UNC13B: variants seen among roughly 807,000 people sequenced by gnomAD.
The protein encoded by UNC13B is protein unc-13 homolog B.
In UNC13B, 144 loss-of-function variants were observed where a neutral mutation model predicts 211.0. The ratio of observed to expected loss-of-function variants is 0.68; its 90% CI spans 0.60 to 0.78. The LOEUF (loss-of-function observed/expected upper bound fraction) is 0.78. UNC13B is among the 30% of genes least tolerant of loss of function. UNC13B has a pLI of 0.00. For synonymous variants in UNC13B, 709 were observed against 725.8 expected (o/e 0.98, Z 0.37); for missense variants, 1,777 against 2,002.0 (o/e 0.89, Z 2.14).
chr9:35,200,477 G>T (rs1408076971), intron 1 of UNC13B, among the ~76,000 whole-genome samples: 8 of 152,224 alleles, frequency 5.3e-5, no homozygotes, highest in South Asian at 2.1e-4. Context: ...AGCATGGAAT[G>T]TTCTTCCATT....
At chr9:35,331,990 CT>C (rs111856770) in intron 11 of UNC13B, among the ~76,000 whole-genome samples, 177 of 144,446 alleles carry the variant, frequency 1.2e-3, no homozygotes, top group Middle Eastern at 3.6e-3. Flanking sequence ...TCCAACTAGC[CT>C]TTTTTTTTTT....
At chr9:35,260,665 A>G (rs1827222265) in intron 7 of UNC13B, among the ~76,000 whole-genome samples, 1 of 152,118 alleles carries the variant, frequency 6.6e-6, no homozygotes, top group African/African-American at 2.4e-5. Flanking sequence ...CCTATTTTTC[A>G]TATGATTTAT....
intron 1 of UNC13B, among the ~76,000 whole-genome samples, chr9:35,199,057 G>A (rs529531522): frequency 3.4e-4 from 51 of 151,628 alleles, no homozygotes; most frequent in African/African-American, 1.2e-3. Context: ...TCCCCACCCT[G>A]TGTCCATTCC....
At chr9:35,360,524 T>C (rs1174467975) in intron 11 of UNC13B, 1 of 152,250 alleles carries the variant, frequency 6.6e-6, no homozygotes, top group Admixed American at 6.5e-5. Context: ...CATTGTTTAT[T>C]ATCTGCTCCT....
At chr9:35,193,162 C>T (rs568910941) in intron 1 of UNC13B, among the ~76,000 whole-genome samples, 12 of 152,238 alleles carry the variant, frequency 7.9e-5, no homozygotes, top group Non-Finnish European at 1.3e-4. Context: ...AGAGACTATG[C>T]GACAGTTGCA....
intron 1 of UNC13B, among the ~76,000 whole-genome samples, chr9:35,224,825 A>G (rs1367059222): frequency 6.6e-6 from 1 of 152,242 alleles, no homozygotes; most frequent in Non-Finnish European, 1.5e-5. Flanking sequence ...CAAAAAGATA[A>G]TATACCATGA....
rs1325672035 is a variant in UNC13B, at chr9:35,258,600, A to T, written c.469-393A>T. Among the ~76,000 whole-genome samples, 3 of 152,252 alleles carry T rather than the reference A, an allele frequency of 2.0e-5. No homozygotes were observed. The East Asian group carries it at 5.8e-4, about 29-fold the overall frequency. On this transcript the variant is annotated intron_variant, in intron 6 of 39. Coordinates refer to ENST00000635942, the MANE Select transcript of UNC13B (RefSeq NM_001371189.2). ...TAAAAATGAGAAAACAGCCCCAGAC[A>T]GGTTTTCACTTGCATCACCTGAATG...
chr9:35,171,349 G>A (rs138661852), intron 1 of UNC13B, among the ~76,000 whole-genome samples: 7,825 of 152,108 alleles, frequency 0.051, 464 homozygotes, highest in East Asian at 0.33. Flanking sequence ...TGACCCACCC[G>A]CCTTGGCCTC....
chr9:35,330,512 G>T (rs1279674161), intron 11 of UNC13B, among the ~76,000 whole-genome samples: 1 of 152,186 alleles, frequency 6.6e-6, no homozygotes, highest in Non-Finnish European at 1.5e-5. Context: ...CTTATCTATG[G>T]ATGACTCCAA....
Position 35,403,807 on chromosome 9 carries a change from A to G in UNC13B, c.12797A>G (p.Tyr4266Cys). The change falls in exon 40 of 40, where the codon TAC becomes TGC. Residue 4266 changes from tyrosine (Y) to cysteine (C), a missense_variant. Tyr to Cys is a radical substitution (Grantham distance 194, BLOSUM62 -2). Coordinates refer to ENST00000635942, the MANE Select transcript of UNC13B (RefSeq NM_001371189.2). Reference protein sequence around the residue: ...SYELQICVKDYCFAREDRVLG... With the variant: ...SYELQICVKDCCFAREDRVLG... Reference sequence around the variant, plus strand: ...GAGTTGCAGATATGCGTGAAGGATTACTGCTTTGCCCGGGAAGATCGCGTG... The same window carrying G: ...GAGTTGCAGATATGCGTGAAGGATTGCTGCTTTGCCCGGGAAGATCGCGTG... The G allele has an allele frequency of 6.2e-7, 1 of 1,614,138 alleles. No individual in the cohort carries two copies. The highest frequency in any genetic ancestry group is 8.5e-7 in the Non-Finnish European group (1 of 1,180,030).
At chr9:35,317,287 A>C (rs1319539914) in intron 11 of UNC13B, among the ~76,000 whole-genome samples, 2 of 151,766 alleles carry the variant, frequency 1.3e-5, no homozygotes, top group Non-Finnish European at 2.9e-5. Flanking sequence ...TGCAGCGTCA[A>C]CCTCCTGGGC....
chr9:35,371,022 G>A (rs555159265), intron 13 of UNC13B, among the ~76,000 whole-genome samples: 2 of 152,314 alleles, frequency 1.3e-5, no homozygotes, highest in South Asian at 4.1e-4. Context: ...GGAATTTTCT[G>A]TAGCCTTGTG....
intron 1 of UNC13B, among the ~76,000 whole-genome samples, chr9:35,210,776 G>A (rs111810307): frequency 4.4e-4 from 67 of 152,218 alleles, no homozygotes; most frequent in African/African-American, 1.4e-3. Flanking sequence ...TGCCCACACC[G>A]TCCTCCCAAA....
At position 35,304,851 on chromosome 9, in the gene UNC13B, T is replaced by G. The variant is rs746844457; in HGVS notation, c.5447T>G (p.Leu1816Arg). 3 of 398,948 alleles carry G rather than the reference T, an allele frequency of 7.5e-6. No individual in the cohort carries two copies. Among genetic ancestry groups the G allele is most frequent in the Non-Finnish European group, 1.3e-5 (3 of 225,984 alleles). The allele number at this position is 398,948 out of a possible 1,614,324, so 24.7% of individuals were successfully genotyped here. A position where few individuals can be genotyped will look rare whatever the true frequency, so the allele number is the denominator to read the frequency against. ...AACTCCCCAAATGTGGAAAAAAGTC[T>G]TCTTAAGGATTCAGAAAGACAGATA... ...EGNSPNVEKS[L>R]LKDSERQIVS... The change falls in exon 9 of 40, where the codon CTT becomes CGT. Residue 1816 changes from leucine to arginine, a missense_variant. Transcript: ENST00000635942.
chr9:35,314,060 A>T, intron 11 of UNC13B, 71 bp downstream of exon 11: 2 of 1,217,506 alleles, frequency 1.6e-6, no homozygotes, highest in Non-Finnish European at 2.4e-6. Flanking sequence ...GGTGCTGGAG[A>T]AGCAATCAGT....
chr9:35,390,527 T>C, intron 25 of UNC13B, 102 bp from the exon 26 acceptor site: 1 of 1,298,400 alleles, frequency 7.7e-7, no homozygotes, highest in Non-Finnish European at 1.1e-6. Flanking sequence ...GCATCTCCTC[T>C]CTCCAATATG....
intron 3 of UNC13B, among the ~76,000 whole-genome samples, chr9:35,234,406 C>A (rs565067664): frequency 2.6e-5 from 4 of 152,192 alleles, no homozygotes; most frequent in Admixed American, 2.6e-4. Flanking sequence ...AGGCATGAGC[C>A]ATTGCACCTG....
chr9:35,256,842 T>C (rs561886310), intron 6 of UNC13B, among the ~76,000 whole-genome samples: 1 of 152,326 alleles, frequency 6.6e-6, no homozygotes, highest in East Asian at 1.9e-4. Flanking sequence ...GAAATTGGCC[T>C]GTAATTTTCC....
chr9:35,340,340 T>C (rs536109935), intron 11 of UNC13B, among the ~76,000 whole-genome samples: 3 of 152,156 alleles, frequency 2.0e-5, no homozygotes, highest in African/African-American at 7.2e-5. Flanking sequence ...TTTTCTTCCT[T>C]GGTTGAGGGG....
Sources: gnomAD v4.1 joint callset for allele counts (sites outside exome capture counted in the v4.1 genomes callset) on GRCh38, gnomAD v4.1.1 for gene constraint, MANE v1.5 for transcripts, NCBI Gene and HGNC (gene_info 2026-07-23, HGNC 2026-07-21) for gene names.